ABCG5: variants seen among roughly 807,000 people sequenced by gnomAD.
The protein encoded by ABCG5 is ATP-binding cassette sub-family G member 5.
In ABCG5, 64 loss-of-function variants were observed where a neutral mutation model predicts 64.5. The observed-to-expected ratio is 0.99, with a 90% CI of 0.81 to 1.22. The LOEUF is 1.22. Among genes scored for constraint, ABCG5 ranks in the 50% most tolerant of loss-of-function variants. ABCG5 has a pLI of 0.00. For missense variants in ABCG5, 908 were observed against 829.5 expected, an observed-to-expected ratio of 1.09 and a Z score of -1.16; for synonymous variants, 385 against 326.3, an observed-to-expected ratio of 1.18 and a Z score of -1.94.
At chr2:43,809,725 A>T (rs554410064), downstream of ABCG5, 1 of 1,612,088 alleles carries the variant, frequency 6.2e-7, no homozygotes, top group East Asian at 2.2e-5. Context: ...AGTACAAAAG[A>T]AGTTCTTCCA....
chr2:43,826,876 C>G (rs1241133782), intron 5 of ABCG5, among the ~76,000 whole-genome samples: 1 of 152,108 alleles, frequency 6.6e-6, no homozygotes, highest in Non-Finnish European at 1.5e-5. Flanking sequence ...GAAGGCTGGT[C>G]AAAAAGACAA....
At position 43,824,325 on chromosome 2, in the gene ABCG5, T is replaced by A. The variant is rs1667452235; in HGVS notation, c.1012A>T (p.Thr338Ser). 7 of 1,614,066 alleles carry A rather than the reference T, an allele frequency of 4.3e-6. No individual in the cohort carries two copies. The highest frequency in any genetic ancestry group is 5.1e-6 in the Non-Finnish European group (6 of 1,180,030). The change falls in exon 8 of 13, where the codon ACT becomes TCT. Residue 338 changes from threonine to serine, a missense_variant. Physicochemically the swap from Thr to Ser is moderately conservative, Grantham distance 58. Coordinates refer to ENST00000405322, the MANE Select transcript of ABCG5 (RefSeq NM_022436.3). Reference sequence around the variant, plus strand: ...TTCATTCTTTCAATATTCTTCAAAGTTTTATGACAAATTGCTGATTTCTTG... The same window carrying A: ...TTCATTCTTTCAATATTCTTCAAAGATTTATGACAAATTGCTGATTTCTTG... ...AYKKSAICHKTLKNIERMKHL... is the reference protein window; with the variant it reads ...AYKKSAICHKSLKNIERMKHL...
Position 43,813,094 on chromosome 2 carries a change from A to AT in ABCG5, c.*21dup, listed in dbSNP as rs1289970215. On this transcript the variant is annotated 3_prime_UTR_variant, in exon 13 of 13. Coordinates refer to ENST00000405322, the MANE Select transcript of ABCG5 (RefSeq NM_022436.3). ...ATGCACAGTCGGCAGCTTCACTTCC[A>AT]TTTTCCCAGCCATGGCTTTCACTAC... The AT allele has an allele frequency of 1.0e-6, 1 of 984,282 alleles. No homozygotes were observed. Among genetic ancestry groups the AT allele is most frequent in the Admixed American group, 1.7e-5 (1 of 59,154 alleles). The allele number at this position is 984,282 out of a possible 1,614,324, so 61.0% of individuals were successfully genotyped here. A position where few individuals can be genotyped will look rare whatever the true frequency, so the allele number is the denominator to read the frequency against.
rs77405664 is a variant in ABCG5 at position 43,823,671 on chromosome 2, C to G, written c.1324+242G>C. 0.014 allele frequency among the ~76,000 whole-genome samples: 2,111 copies of G among 152,268 alleles called. 43 individuals carry two copies. The highest frequency in any genetic ancestry group is 0.048 in the African/African-American group (1,996 of 41,530). On this transcript the variant is annotated intron_variant, in intron 9 of 12. Transcript: ENST00000405322. Reference sequence around the variant, plus strand: ...TGAAAAACTCCTCAAACTCTCCCCACCAGTACATTGTCACTTCATGTTTCC... The same window carrying G: ...TGAAAAACTCCTCAAACTCTCCCCAGCAGTACATTGTCACTTCATGTTTCC...
At chr2:43,819,735 G>A (rs1667066096) in intron 11 of ABCG5, among the ~76,000 whole-genome samples, 180 bp downstream of exon 11, 1 of 151,996 alleles carries the variant, frequency 6.6e-6, no homozygotes, top group Admixed American at 6.6e-5. Flanking sequence ...ACATTTTATT[G>A]AACAAATGAA....
downstream of ABCG5, among the ~76,000 whole-genome samples, chr2:43,809,183 G>T (rs1013195640): frequency 6.6e-6 from 1 of 151,990 alleles, no homozygotes; most frequent in African/African-American, 2.4e-5. Context: ...GTAGAGACAC[G>T]GTCTCCCTAT....
intron 11 of ABCG5, among the ~76,000 whole-genome samples, chr2:43,818,414 A>G (rs1440823944): frequency 2.0e-5 from 3 of 152,254 alleles, no homozygotes; most frequent in Non-Finnish European, 4.4e-5. Context: ...ATTGCACTTC[A>G]GCCTGGGCGG....
Position 43,832,084 on chromosome 2 carries a change from C to A in ABCG5, c.266-1G>T. ...TCCAGCAGCGTGGTTTTCCCGGAGC[C>A]TGCGGGGCGACAACAGAAGGCCCTA... On this transcript the variant is annotated splice_acceptor_variant, in intron 2 of 12. Transcript: ENST00000405322. LOFTEE classifies it high-confidence loss of function. 6.3e-7 allele frequency: 1 copy of A among 1,576,818 alleles called. No individual in the cohort carries two copies. Among genetic ancestry groups the A allele is most frequent in the East Asian group, 2.3e-5 (1 of 43,252 alleles).
chr2:43,836,343 C>T (rs1384140174), intron 2 of ABCG5, among the ~76,000 whole-genome samples: 1 of 152,128 alleles, frequency 6.6e-6, no homozygotes, highest in Admixed American at 6.6e-5. Context: ...GGAGGCTGAC[C>T]ATGCCTACAT....
rs1235368677 is a variant in ABCG5, at chr2:43,813,697, G to GT, written c.1763-389dup. Among the ~76,000 whole-genome samples the GT allele has an allele frequency of 9.6e-3, 880 of 91,250 alleles. 19 individuals carry two copies. Among genetic ancestry groups the GT allele is most frequent in the African/African-American group, 0.028 (743 of 26,536 alleles). 59.9% of individuals were successfully genotyped at this position (91,250 alleles called of 152,430 possible). ...TTGTTTTTTTTTTGTTTTTTTTGGG[G>GT]TTTTTTTTTTCGTTTTTTTTTTTTT... On this transcript the variant is annotated intron_variant, in intron 12 of 12. Transcript: ENST00000405322.
At chr2:43,832,541 G>C (rs535459588) in intron 2 of ABCG5, 1 of 182,382 alleles carries the variant, frequency 5.5e-6, no homozygotes, top group African/African-American at 2.4e-5. Context: ...CTAGAGCCTT[G>C]CTCACAAAGC....
chr2:43,807,309 T>C, the ABCG5 span, among the ~76,000 whole-genome samples: 60 of 152,282 alleles, frequency 3.9e-4, no homozygotes, highest in Non-Finnish European at 6.6e-4. Context: ...TTTGCCAGAC[T>C]TCACATGGGC....
At chr2:43,817,650 C>G (rs1666925694) in intron 11 of ABCG5, among the ~76,000 whole-genome samples, 1 of 152,100 alleles carries the variant, frequency 6.6e-6, no homozygotes, top group African/African-American at 2.4e-5. Flanking sequence ...TGGCTCACGT[C>G]TATAATCCCA....
At chr2:43,822,574 A>T in intron 10 of ABCG5, 1 of 983,956 alleles carries the variant, frequency 1.0e-6, no homozygotes, top group Non-Finnish European at 1.2e-6. Context: ...TCCCAGGCAC[A>T]TGTCATCTTG....
In ABCG5 at chr2:43,824,396, C is replaced by T. The variant is rs544541406; in HGVS notation, c.941G>A (p.Arg314Gln). Residue 314 changes from arginine to glutamine, a missense_variant, in exon 8 of 13, where the codon CGG (arginine) becomes CAG (glutamine). By Grantham distance (43) the Arg-to-Gln change is conservative. Transcript: ENST00000405322. ...GACTCTCTTGGAGGTTTCTATTTCC[C>T]GTTCCTTGCTTTGGGTATCCACTGA... The part of the protein sequence containing the change: ...LTSVDTQSKE[R>Q]EIETSKRVQM... 78 of 1,614,048 alleles carry T rather than the reference C, an allele frequency of 4.8e-5. No homozygotes were observed. Among genetic ancestry groups the T allele is most frequent in the Non-Finnish European group, 6.2e-5 (73 of 1,180,014 alleles).
At position 43,822,781 on chromosome 2, in the gene ABCG5, C is replaced by A. The variant is rs369533138; in HGVS notation, c.1463+16G>T. 6.2e-7 allele frequency: 1 copy of A among 1,614,034 alleles called. No individual in the cohort carries two copies. The stretch of plus-strand genomic sequence containing the variant: ...CCATGGGAGCCCGGCCCTGGGTGAA[C>A]TGAACAACCCCTCACCAGTAGCACA... On this transcript the variant is annotated intron_variant, in intron 10 of 12. Transcript: ENST00000405322.
intron 7 of ABCG5, 135 bp from the exon 8 acceptor site, chr2:43,824,567 A>G: frequency 6.4e-7 from 1 of 1,565,154 alleles, no homozygotes; most frequent in Non-Finnish European, 8.6e-7. Flanking sequence ...ATGCCCACCT[A>G]TAAAATCAGA....
At position 43,831,772 on chromosome 2, in the gene ABCG5, C is replaced by G; in HGVS notation, c.498G>C (p.Lys166Asn). The change falls in exon 4 of 13, where the codon AAG becomes AAC. Residue 166 changes from lysine to asparagine, a missense_variant. Lys to Asn is a moderately conservative substitution (Grantham distance 94). Coordinates refer to ENST00000405322, the MANE Select transcript of ABCG5 (RefSeq NM_022436.3). ...GTGAGCGGGGGGCTGCACCCACCTTCTTCTGGAAGGAGCCGGGATTGCCGC... is the reference window on the plus strand; with the variant it reads ...GTGAGCGGGGGGCTGCACCCACCTTGTTCTGGAAGGAGCCGGGATTGCCGC... ...IRRGNPGSFQKKVEAVMAELS... is the reference protein window; with the variant it reads ...IRRGNPGSFQNKVEAVMAELS... 1 of 1,578,910 alleles carries G rather than the reference C, an allele frequency of 6.3e-7. No homozygotes were observed. Among genetic ancestry groups the G allele is most frequent in the East Asian group, 2.3e-5 (1 of 43,822 alleles).
In ABCG5 at chr2:43,823,979, C is replaced by A. The variant is rs747481748; in HGVS notation, c.1258G>T (p.Val420Leu). The A allele has an allele frequency of 1.2e-6, 2 of 1,614,206 alleles. No homozygotes were observed. Among genetic ancestry groups the A allele is most frequent in the Admixed American group, 3.3e-5 (2 of 60,026 alleles). Residue 420 changes from valine to leucine, a missense_variant, in exon 9 of 13, where the codon GTA becomes TTA. Coordinates refer to ENST00000405322, the MANE Select transcript of ABCG5 (RefSeq NM_022436.3). ...NVLKGAIQDR[V>L]GLLYQFVGAT... ...CCCACAAACTGGTAAAGGAGACCTA[C>A]GCGGTCCTGGATAGCACCCTTTAGC...
Sources: allele counts gnomAD v4.1 joint callset (sites outside exome capture counted in the v4.1 genomes callset), GRCh38; gene constraint gnomAD v4.1.1; transcripts MANE v1.5; gene names NCBI Gene and HGNC (gene_info 2026-07-23, HGNC 2026-07-21).